ZNFX1: variants seen among roughly 807,000 people sequenced by gnomAD.
ZNFX1 encodes the protein zinc finger NFX1-type containing 1, also known as NFX1-type zinc finger-containing protein 1.
ZNFX1 carries 78 observed loss-of-function variants against 179.8 expected under a neutral mutation model. That is an observed-to-expected ratio of 0.43 (90% CI 0.36 to 0.52). The LOEUF (loss-of-function observed/expected upper bound fraction) is 0.52, where lower values mean the gene tolerates loss of function less well. ZNFX1 is among the 20% of genes least tolerant of loss of function. The pLI is 0.00. For synonymous variants in ZNFX1, 848 were observed against 868.5 expected, an observed-to-expected ratio of 0.98 and a Z score of 0.42; for missense variants, 1,927 against 2,386.6, an observed-to-expected ratio of 0.81 and a Z score of 4.01.
At chr20:49,273,028 C>T (rs1220985492) in intron 2 of ZNFX1, among the ~76,000 whole-genome samples, 1 of 152,150 alleles carries the variant, frequency 6.6e-6, no homozygotes, top group Non-Finnish European at 1.5e-5. Flanking sequence ...GTAAAAGCTT[C>T]AAATGCATGT....
chr20:49,264,701 A>G lies in ZNFX1; in HGVS notation c.2151+15T>C. 5 of 1,612,966 alleles carry G rather than the reference A, an allele frequency of 3.1e-6. No individual in the cohort carries two copies. The highest frequency in any genetic ancestry group is 4.2e-6 in the Non-Finnish European group (5 of 1,179,638). ...CCTCTTGAACTACCCCAGATATTTC[A>G]GAGCTGGGACTTACACTCATGTAGG... On this transcript the variant is annotated intron_variant, in intron 5 of 13. Coordinates refer to ENST00000396105, the MANE Select transcript of ZNFX1 (RefSeq NM_021035.3).
At position 49,248,382 on chromosome 20, in the gene ZNFX1, G is replaced by A; in HGVS notation, c.4642C>T (p.His1548Tyr). The A allele has an allele frequency of 6.2e-7, 1 of 1,611,656 alleles. No individual in the cohort carries two copies. The highest frequency in any genetic ancestry group is 8.5e-7 in the Non-Finnish European group (1 of 1,178,386). ...VPCTKLLVCG[H>Y]PCIGLCGEPC... ...TCCCCACAGAGACCAATGCAGGGGT[G>A]GCCACAAACTAGCAGCTTAGTACAA... The change falls in exon 14 of 14, where the codon CAC (histidine) becomes TAC (tyrosine). Residue 1548 changes from histidine to tyrosine, a missense_variant. Physicochemically the swap from His to Tyr is moderately conservative, Grantham distance 83 (BLOSUM62 2). Transcript: ENST00000396105. This position sits in a 1 kb window ranked among gnomAD's most constrained non-coding sequence, Gnocchi z 4.6.
chr20:49,259,109 C>CAAAAA (rs1380256614), intron 7 of ZNFX1, among the ~76,000 whole-genome samples: 6 of 92,004 alleles, frequency 6.5e-5, no homozygotes, highest in Admixed American at 1.1e-4. Context: ...GACTCAGTCT[C>CAAAAA]AAAAAAAAAT....
chr20:49,245,940 G>T lies in ZNFX1; in HGVS notation c.*1327C>A, dbSNP rs1980659274. 6.6e-6 allele frequency: 1 copy of T among 152,600 alleles called. No individual in the cohort carries two copies. The highest frequency in any genetic ancestry group is 6.5e-5 in the Admixed American group (1 of 15,280). The allele number at this position is 152,600 out of a possible 1,614,324, so 9.5% of individuals were successfully genotyped here. A position where few individuals can be genotyped will look rare whatever the true frequency, so the allele number is the denominator to read the frequency against. On this transcript the variant is annotated 3_prime_UTR_variant, in exon 14 of 14. Transcript: ENST00000396105. ...TTTTTAATTGGCTTTATAAGCTAAA[G>T]TGCATAGTAAAGACAAAAAAAGGAA...
chr20:49,255,352 CT>C lies in ZNFX1; in HGVS notation c.2804+455del, dbSNP rs199823035. ...GCTACTGCGCCCGGCCTCTCCTACT[CT>C]TTTTTTTTTTTCCTGTAGAGATGAG... On this transcript the variant is annotated intron_variant, in intron 9 of 13. Coordinates refer to ENST00000396105, the MANE Select transcript of ZNFX1 (RefSeq NM_021035.3). Among the ~76,000 whole-genome samples, 193 of 145,250 alleles carry C rather than the reference CT, an allele frequency of 1.3e-3. 1 individual carries two copies. Among genetic ancestry groups the C allele is most frequent in the South Asian group, 1.3e-3 (6 of 4,632 alleles).
intron 11 of ZNFX1, among the ~76,000 whole-genome samples, chr20:49,253,285 T>G (rs1980888711): frequency 6.6e-6 from 1 of 152,216 alleles, no homozygotes; most frequent in African/African-American, 2.4e-5. Flanking sequence ...TGGAGGGTTT[T>G]CAGCTGGAAA....
At chr20:49,274,156 A>G (rs56093859) in intron 2 of ZNFX1, among the ~76,000 whole-genome samples, 13,580 of 152,308 alleles carry the variant, frequency 0.089, 744 homozygotes, top group African/African-American at 0.16. Flanking sequence ...GATCTGCACT[A>G]TCCAATACAA....
intron 7 of ZNFX1, among the ~76,000 whole-genome samples, chr20:49,259,433 C>CTT (rs917171218): frequency 7.0e-6 from 1 of 142,048 alleles, no homozygotes; most frequent in African/African-American, 2.6e-5. Flanking sequence ...CATAACTTGC[C>CTT]TTTTTTTTTT....
At chr20:49,252,218 T>C (rs573405621) in intron 12 of ZNFX1, among the ~76,000 whole-genome samples, 3 of 150,262 alleles carry the variant, frequency 2.0e-5, no homozygotes, top group South Asian at 4.2e-4. Context: ...CTCGGCTCAC[T>C]GCAACCACCG....
intron 2 of ZNFX1, among the ~76,000 whole-genome samples, chr20:49,272,366 G>A (rs1411119957): frequency 6.6e-6 from 1 of 151,902 alleles, no homozygotes; most frequent in Admixed American, 6.6e-5. Flanking sequence ...TAGTAGAGAT[G>A]GGGTTTCACC....
At chr20:49,265,517 T>C (rs1981214404) in intron 4 of ZNFX1, among the ~76,000 whole-genome samples, 1 of 152,130 alleles carries the variant, frequency 6.6e-6, no homozygotes, top group Admixed American at 6.6e-5. Context: ...AATCTAATAT[T>C]TAAACTCAGA....
At position 49,270,004 on chromosome 20, in the gene ZNFX1, A is replaced by C; in HGVS notation, c.1808T>G (p.Met603Arg). The change falls in exon 3 of 14, where the codon ATG becomes AGG. Residue 603 changes from methionine (M) to arginine (R), a missense_variant. By Grantham distance (91) the Met-to-Arg change is moderately conservative. Transcript: ENST00000396105. This position sits in a 1 kb window ranked among gnomAD's most constrained non-coding sequence, Gnocchi z 4.6. ...KEALKLDDSQ[M>R]EALQFALTRE... Reference sequence around the variant, plus strand: ...TGTGAGAGCAAACTGCAAGGCTTCCATCTGGGAGTCATCCAGCTTCAGGGC... The same window carrying C: ...TGTGAGAGCAAACTGCAAGGCTTCCCTCTGGGAGTCATCCAGCTTCAGGGC... The C allele has an allele frequency of 1.2e-6, 2 of 1,614,128 alleles. No homozygotes were observed. Among genetic ancestry groups the C allele is most frequent in the Non-Finnish European group, 1.7e-6 (2 of 1,180,018 alleles).
chr20:49,267,434 G>C (rs968537720), intron 3 of ZNFX1, among the ~76,000 whole-genome samples: 7 of 151,204 alleles, frequency 4.6e-5, no homozygotes, highest in African/African-American at 1.5e-4. Context: ...CAAGTACTTG[G>C]TACTACAGGT....
chr20:49,260,370 A>T, intron 7 of ZNFX1, 93 bp downstream of exon 7: 3 of 731,186 alleles, frequency 4.1e-6, no homozygotes, highest in South Asian at 2.2e-5. Context: ...ATAGCTCTTT[A>T]TTTATTCTGG....
intron 2 of ZNFX1, among the ~76,000 whole-genome samples, chr20:49,273,000 T>C (rs1005620972): frequency 3.4e-5 from 3 of 87,758 alleles, no homozygotes; most frequent in Non-Finnish European, 6.1e-5. Flanking sequence ...CTGTATACAA[T>C]GATTTGATAA....
At chr20:49,252,866 A>G in intron 11 of ZNFX1, 36 bp from the exon 12 acceptor site, 1 of 1,528,750 alleles carries the variant, frequency 6.5e-7, no homozygotes, top group Non-Finnish European at 9.1e-7. Context: ...TTCTCTACTG[A>G]TAAAGTCATT....
rs746073424 is a variant in ZNFX1, at chr20:49,255,795, T to G, written c.2804+13A>C. On this transcript the variant is annotated intron_variant, in intron 9 of 13. Coordinates refer to ENST00000396105, the MANE Select transcript of ZNFX1 (RefSeq NM_021035.3). ...ACTCCCTACATGGGTTGGCTAGATG[T>G]GGAACACAGTACCTATAAAGCTGCC... 1 of 1,603,574 alleles carries G rather than the reference T, an allele frequency of 6.2e-7. No individual in the cohort carries two copies. The highest frequency in any genetic ancestry group is 8.5e-7 in the Non-Finnish European group (1 of 1,173,954).
At position 49,271,381 on chromosome 20, in the gene ZNFX1, A is replaced by C; in HGVS notation, c.431T>G (p.Leu144Arg). Residue 144 changes from leucine to arginine, a missense_variant, in exon 3 of 14, where the codon CTG becomes CGG. Coordinates refer to ENST00000396105, the MANE Select transcript of ZNFX1 (RefSeq NM_021035.3). ...PTEQPQQAKKLGYKFLESLLQ... is the reference protein window; with the variant it reads ...PTEQPQQAKKRGYKFLESLLQ... ...AAGACTTTCTAAGAACTTGTAGCCC[A>C]GTTTCTTCGCCTGCTGTGGCTGTTC... 6.2e-7 allele frequency: 1 copy of C among 1,614,158 alleles called. No homozygotes were observed. The highest frequency in any genetic ancestry group is 2.2e-5 in the East Asian group (1 of 44,884).
At chr20:49,266,490 A>G (rs1327233649) in intron 3 of ZNFX1, among the ~76,000 whole-genome samples, 1 of 152,224 alleles carries the variant, frequency 6.6e-6, no homozygotes, top group African/African-American at 2.4e-5. Flanking sequence ...TTACAGAGAC[A>G]GTATATCCAC....
Sources: gnomAD v4.1 joint callset for allele counts (sites outside exome capture counted in the v4.1 genomes callset) on GRCh38, gnomAD v4.1.1 for gene constraint, Gnocchi (gnomAD v3.1) non-coding constraint, MANE v1.5 for transcripts, NCBI Gene and HGNC (gene_info 2026-07-23, HGNC 2026-07-21) for gene names.